Variants in CCDC183 observed in about 807,000 individuals in gnomAD.
CCDC183 encodes coiled-coil domain containing 183, also known as coiled-coil domain-containing protein 183.
CCDC183 carries 63 observed loss-of-function variants against 65.2 expected under a neutral mutation model. That is an observed-to-expected ratio of 0.97 (90% confidence interval 0.79 to 1.19). The LOEUF (loss-of-function observed/expected upper bound fraction) is 1.19, where lower values mean the gene tolerates loss of function less well. Among genes scored for constraint, CCDC183 ranks in the 50% most tolerant of loss-of-function variants. The probability of loss-of-function intolerance (pLI) is 0.00; values close to 1 mark genes in which losing one functional copy is unlikely to be tolerated. For synonymous variants in CCDC183, 323 were observed against 276.5 expected, an observed-to-expected ratio of 1.17 and a Z score of -1.67; for missense variants, 769 against 689.3, an observed-to-expected ratio of 1.12 and a Z score of -1.30.
chr9:136,802,389 TCAGTCAGCCTTTTCTG>T (rs1847749436), intron 5 of CCDC183, among the ~76,000 whole-genome samples: 1 of 152,202 alleles, frequency 6.6e-6, no homozygotes, highest in Non-Finnish European at 1.5e-5. Flanking sequence ...TCCCCGGGTT[TCAGTCAGCCTTTTCTG>T]CAGAGCATTT....
Position 136,800,189 on chromosome 9 carries a change from AGGGCG to A in CCDC183, c.438+27_438+31del. The A allele has an allele frequency of 4.6e-6, 1 of 217,304 alleles. No homozygotes were observed. The highest frequency in any genetic ancestry group is 7.0e-6 in the Non-Finnish European group (1 of 143,576). 13.5% of individuals were successfully genotyped at this position (217,304 alleles called of 1,614,324 possible). A position where few individuals can be genotyped will look rare whatever the true frequency, so the allele number is the denominator to read the frequency against. ...CTGCAGGTGGAGAGGCGGGGCTGGG[AGGGCG>A]GGGCGGAGTCCACTGGGGCAAGACT... On this transcript the variant is annotated intron_variant, in intron 4 of 13. Coordinates refer to ENST00000338005, the MANE Select transcript of CCDC183 (RefSeq NM_001039374.5).
intron 1 of CCDC183, among the ~76,000 whole-genome samples, chr9:136,798,452 C>T (rs1847685721): frequency 6.6e-6 from 1 of 151,730 alleles, no homozygotes; most frequent in African/African-American, 2.4e-5. Context: ...CACACACCAC[C>T]ACACCCAGCT....
At chr9:136,805,905 G>A in intron 9 of CCDC183, 173 bp from the exon 10 acceptor site, 1 of 608,672 alleles carries the variant, frequency 1.6e-6, no homozygotes, top group South Asian at 2.0e-5. Context: ...GAGGTGGGAG[G>A]ATCGCTTGAG....
chr9:136,800,005 G>T lies in CCDC183; in HGVS notation c.274G>T (p.Val92Leu). 1 of 1,587,284 alleles carries T rather than the reference G, an allele frequency of 6.3e-7. No homozygotes were observed. The highest frequency in any genetic ancestry group is 8.6e-7 in the Non-Finnish European group (1 of 1,167,664). The change falls in exon 4 of 14, where the codon GTG becomes TTG. Residue 92 changes from valine (V) to leucine (L), a missense_variant. Physicochemically the swap from Val to Leu is conservative, Grantham distance 32. Transcript: ENST00000338005. The stretch of plus-strand genomic sequence containing the variant: ...GGCGGTGCCCTTCCCGACCCAGGTG[G>T]TGCGGGAGAAGCTGCGCAAGTACGT... Reference protein sequence around the residue: ...LAHCRSTMEVVREKLRKYVFD... With the variant: ...LAHCRSTMEVLREKLRKYVFD...
intron 5 of CCDC183, among the ~76,000 whole-genome samples, chr9:136,801,655 G>A (rs767379663): frequency 2.6e-5 from 4 of 152,060 alleles, no homozygotes; most frequent in Non-Finnish European, 4.4e-5. Context: ...GCTGCAAGCC[G>A]AGATCGTACC....
rs1348802476 is a variant in CCDC183 at position 136,804,356 on chromosome 9, G to A, written c.667-146G>A. 4.3e-6 allele frequency: 5 copies of A among 1,151,426 alleles called. No homozygotes were observed. The South Asian group carries it at 6.2e-5, about 14-fold the overall frequency. 71.3% of individuals were successfully genotyped at this position (1,151,426 alleles called of 1,614,324 possible). On this transcript the variant is annotated intron_variant, in intron 6 of 13. Coordinates refer to ENST00000338005, the MANE Select transcript of CCDC183 (RefSeq NM_001039374.5). This position sits in a 1 kb window ranked among gnomAD's most constrained non-coding sequence, Gnocchi z 4.1. ...AGCTGAGGGGCCACGGGCACAAGTG[G>A]TTTAGGAAAAGGGTGTGGCCATTGG...
At chr9:136,800,325 AGCCCCGACACCCTCCGG>A (rs1451645504) in intron 4 of CCDC183, 47 bp from the exon 5 acceptor site, 6 of 1,507,322 alleles carry the variant, frequency 4.0e-6, no homozygotes, top group Non-Finnish European at 5.4e-6. Flanking sequence ...GAGAAAACCC[AGCCCCGACACCCTCCGG>A]GCGGCCGGTC....
intron 6 of CCDC183, chr9:136,803,852 G>C (rs1295080823): frequency 1.3e-5 from 2 of 155,922 alleles, no homozygotes; most frequent in East Asian, 3.8e-4. Context: ...AGTCCACGGA[G>C]GCGGCTGGGC....
chr9:136,801,677 G>A (rs560125593), intron 5 of CCDC183, among the ~76,000 whole-genome samples: 1 of 152,202 alleles, frequency 6.6e-6, no homozygotes, highest in South Asian at 2.1e-4. Context: ...TCGCACTCCA[G>A]CCTGGGTGAT....
At chr9:136,802,421 C>T (rs771836559) in intron 5 of CCDC183, among the ~76,000 whole-genome samples, 2 of 152,222 alleles carry the variant, frequency 1.3e-5, no homozygotes, top group Admixed American at 6.5e-5. Flanking sequence ...CATTTCATCA[C>T]AAACTCTCTC....
chr9:136,796,577 G>T, intron 1 of CCDC183, 110 bp downstream of exon 1: 1 of 778,724 alleles, frequency 1.3e-6, no homozygotes, highest in Admixed American at 2.3e-5. Flanking sequence ...ATGTAGAAAA[G>T]GAAGACATAA....
chr9:136,799,728 ATC>A lies in CCDC183; in HGVS notation c.211_212del (p.Ser71GlnfsTer118). The A allele has an allele frequency of 6.2e-7, 1 of 1,613,110 alleles. No homozygotes were observed. The highest frequency in any genetic ancestry group is 8.5e-7 in the Non-Finnish European group (1 of 1,179,878). ...CGCTCCGCAGTATGACCAGTGGACC[ATC>A]TCCAAGGCCTGCGGGAAAAACTTGC... Reference protein sequence around the residue: ...ALAKKYDQWTISKACGKNLPL... With the variant: ...ALAKKYDQWTXSKACGKNLPL... On this transcript the variant is annotated frameshift_variant, in exon 3 of 14. Coordinates refer to ENST00000338005, the MANE Select transcript of CCDC183 (RefSeq NM_001039374.5). LOFTEE classifies it high-confidence loss of function.
At chr9:136,800,592 G>A (rs1422414056) in intron 5 of CCDC183, 99 bp downstream of exon 5, 2 of 873,372 alleles carry the variant, frequency 2.3e-6, no homozygotes, top group South Asian at 1.6e-5. Flanking sequence ...GCCAGGGAGA[G>A]GGAGCTCTGC....
At chr9:136,803,095 CCAGCCCTCTT>C (rs2131133580) in intron 6 of CCDC183, among the ~76,000 whole-genome samples, 1 of 58,420 alleles carries the variant, frequency 1.7e-5, no homozygotes. Flanking sequence ...CCCCCCAGGG[CCAGCCCTCTT>C]GGATCTTCGG....
chr9:136,807,726 A>T lies in CCDC183; in HGVS notation c.*36A>T. ...CCGCTCCCTGCTTTGCTACACAAAT[A>T]AACATTTTTCCAGGACTGCTGCGGA... On this transcript the variant is annotated 3_prime_UTR_variant, in exon 14 of 14. Transcript: ENST00000338005. 6.4e-7 allele frequency: 1 copy of T among 1,573,384 alleles called. No homozygotes were observed. The highest frequency in any genetic ancestry group is 8.6e-7 in the Non-Finnish European group (1 of 1,159,486).
At chr9:136,805,334 GC>G (rs779132376) in intron 8 of CCDC183, 22 bp from the exon 9 acceptor site, 21 of 1,592,848 alleles carry the variant, frequency 1.3e-5, no homozygotes, top group Non-Finnish European at 1.7e-5. Flanking sequence ...CATGCTGACT[GC>G]CCCTCCCCTC....
rs192905029 is a variant in CCDC183, at chr9:136,800,188, G to T, written c.438+19G>T. The T allele has an allele frequency of 1.4e-6, 2 of 1,480,280 alleles. No homozygotes were observed. Among genetic ancestry groups the T allele is most frequent in the South Asian group, 2.4e-5 (2 of 82,036 alleles). The allele number at this position is 1,480,280 out of a possible 1,614,324, so 91.7% of individuals were successfully genotyped here. The stretch of plus-strand genomic sequence containing the variant: ...GCTGCAGGTGGAGAGGCGGGGCTGG[G>T]AGGGCGGGGCGGAGTCCACTGGGGC... On this transcript the variant is annotated intron_variant, in intron 4 of 13. Coordinates refer to ENST00000338005, the MANE Select transcript of CCDC183 (RefSeq NM_001039374.5).
At chr9:136,797,914 G>A (rs563866231) in intron 1 of CCDC183, among the ~76,000 whole-genome samples, 7 of 152,328 alleles carry the variant, frequency 4.6e-5, no homozygotes, top group Admixed American at 2.0e-4. Context: ...TCCACCTCCC[G>A]GGTTCGAGCG....
At chr9:136,797,106 TGTGGCTAGA>T (rs1847659993) in intron 1 of CCDC183, among the ~76,000 whole-genome samples, 1 of 152,220 alleles carries the variant, frequency 6.6e-6, no homozygotes, top group African/African-American at 2.4e-5. Flanking sequence ...AAAACCGCTC[TGTGGCTAGA>T]GGCAAGATAT....
Sources: gnomAD v4.1 joint callset for allele counts (sites outside exome capture counted in the v4.1 genomes callset) on GRCh38, gnomAD v4.1.1 for gene constraint, Gnocchi (gnomAD v3.1) non-coding constraint, MANE v1.5 for transcripts, NCBI Gene and HGNC (gene_info 2026-07-23, HGNC 2026-07-21) for gene names.